TSHR: variants seen among roughly 807,000 people sequenced by gnomAD.
TSHR encodes thyrotropin receptor.
TSHR carries 51 observed loss-of-function variants against 64.1 expected under a neutral mutation model. The observed-to-expected ratio is 0.80, with a 90% CI of 0.64 to 1.01. The LOEUF (loss-of-function observed/expected upper bound fraction) is 1.01, where lower values mean the gene tolerates loss of function less well. Ranked by LOEUF, TSHR falls within the 50% of genes least tolerant of loss-of-function variation. The probability of loss-of-function intolerance (pLI) is 0.00; values close to 1 mark genes in which losing one functional copy is unlikely to be tolerated. For missense variants in TSHR, 877 were observed against 942.8 expected, an observed-to-expected ratio of 0.93 and a Z score of 0.91; for synonymous variants, 361 against 361.9, an observed-to-expected ratio of 1.00 and a Z score of 0.03.
At chr14:81,086,126 T>TG (rs1363080611) in intron 3 of TSHR, among the ~76,000 whole-genome samples, 1 of 152,208 alleles carries the variant, frequency 6.6e-6, no homozygotes, top group African/African-American at 2.4e-5. Flanking sequence ...TCTAAGATCT[T>TG]GGGGTATAAA....
chr14:81,081,540 A>G (rs2139947914), intron 3 of TSHR, among the ~76,000 whole-genome samples: 1 of 152,310 alleles, frequency 6.6e-6, no homozygotes, highest in South Asian at 2.1e-4. Flanking sequence ...ATAAATATGT[A>G]TTACCTCTAT....
At chr14:81,015,855 T>C (rs956074125) in intron 1 of TSHR, among the ~76,000 whole-genome samples, 1 of 152,150 alleles carries the variant, frequency 6.6e-6, no homozygotes, top group Non-Finnish European at 1.5e-5. Flanking sequence ...AGATTCTACA[T>C]ATAAGTGAGA....
At position 81,019,997 on chromosome 14, in the gene TSHR, A is replaced by G. The variant is rs1471203849; in HGVS notation, c.171-42151A>G. On this transcript the variant is annotated intron_variant, in intron 1 of 9. Coordinates refer to ENST00000298171, the MANE Select transcript of TSHR (RefSeq NM_000369.5). ...CCCAGTAATGGGATTGCTGGGTCAAATGGTATTTCTAGTTCTAGATCCTTG... is the reference window on the plus strand; with the variant it reads ...CCCAGTAATGGGATTGCTGGGTCAAGTGGTATTTCTAGTTCTAGATCCTTG... Among the ~76,000 whole-genome samples, 3 of 152,182 alleles carry G rather than the reference A, an allele frequency of 2.0e-5. No individual in the cohort carries two copies. In the East Asian group the frequency reaches 5.8e-4, roughly 29 times the overall value.
intron 8 of TSHR, among the ~76,000 whole-genome samples, chr14:81,118,559 C>A (rs982654944): frequency 1.2e-4 from 18 of 151,454 alleles, no homozygotes; most frequent in Non-Finnish European, 1.8e-4. Flanking sequence ...ATTCCATGCT[C>A]ATGGGTAGGA....
At chr14:81,021,826 C>T (rs945444710) in intron 1 of TSHR, among the ~76,000 whole-genome samples, 2 of 152,132 alleles carry the variant, frequency 1.3e-5, no homozygotes, top group African/African-American at 2.4e-5. Context: ...TAGGTAACAG[C>T]ATCAGTAAAT....
intron 1 of TSHR, chr14:80,991,783 A>T: frequency 2.6e-6 from 1 of 387,620 alleles, no homozygotes. Context: ...TAGCAGTGGC[A>T]AAGTTGCCTT....
chr14:81,073,017 A>AAAAAAAAATATATATATATAT (rs1555376957), intron 3 of TSHR, among the ~76,000 whole-genome samples: 1 of 91,194 alleles, frequency 1.1e-5, no homozygotes, highest in African/African-American at 4.5e-5. Flanking sequence ...AAAAATAAAA[A>AAAAAAAAATATATATATATAT]ATAAATATAT....
At position 81,144,790 on chromosome 14, in the gene TSHR, CAGTTCAACT is replaced by C. The variant is rs1891868880; in HGVS notation, c.*440_*448del. The C allele has an allele frequency of 4.0e-6, 1 of 247,392 alleles. No homozygotes were observed. Among genetic ancestry groups the C allele is most frequent in the Admixed American group, 5.1e-5 (1 of 19,588 alleles). 15.3% of individuals were successfully genotyped at this position (247,392 alleles called of 1,614,324 possible). On this transcript the variant is annotated 3_prime_UTR_variant, in exon 10 of 10. Transcript: ENST00000298171. ...AGATAAAATCAGTCCCACGTTGGCTCAGTTCAACTAGATGTTCCCTGATACAAAGAGAAC... is the reference window on the plus strand; with the variant it reads ...AGATAAAATCAGTCCCACGTTGGCTCAGATGTTCCCTGATACAAAGAGAAC...
At chr14:81,013,073 A>T (rs1477129925) in intron 1 of TSHR, 1 of 152,046 alleles carries the variant, frequency 6.6e-6, no homozygotes, top group Non-Finnish European at 1.5e-5. Context: ...TTATGGTTTT[A>T]GGTCTAACGT....
chr14:81,013,919 T>C (rs1445062748), intron 1 of TSHR: 1 of 152,194 alleles, frequency 6.6e-6, no homozygotes, highest in African/African-American at 2.4e-5. Flanking sequence ...TATGGGGTGA[T>C]GGGATTTATG....
At chr14:81,022,934 A>G (rs937197371) in intron 1 of TSHR, among the ~76,000 whole-genome samples, 6 of 152,178 alleles carry the variant, frequency 3.9e-5, no homozygotes, top group African/African-American at 1.4e-4. Flanking sequence ...GAGCCCAAGA[A>G]GTCTATGTGC....
chr14:81,131,586 C>T (rs1352781652), intron 8 of TSHR, among the ~76,000 whole-genome samples: 2 of 152,208 alleles, frequency 1.3e-5, no homozygotes, highest in Admixed American at 1.3e-4. Flanking sequence ...TCCTTGCTTC[C>T]TCAAATATAC....
At chr14:81,126,505 T>A (rs1891026009) in intron 8 of TSHR, among the ~76,000 whole-genome samples, 2 of 152,184 alleles carry the variant, frequency 1.3e-5, no homozygotes, top group African/African-American at 4.8e-5. Context: ...TAAAAATAAT[T>A]TGCAAATTCA....
At position 81,052,273 on chromosome 14, in the gene TSHR, C is replaced by G. The variant is rs143121251; in HGVS notation, c.171-9875C>G. On this transcript the variant is annotated intron_variant, in intron 1 of 9. Coordinates refer to ENST00000298171, the MANE Select transcript of TSHR (RefSeq NM_000369.5). The stretch of plus-strand genomic sequence containing the variant: ...TTATTTTTCTGCATGTGGATAGCCA[C>G]TTTTTCTAACACCATTTATTGAAGA... 3 of 152,298 alleles carry G rather than the reference C, an allele frequency of 2.0e-5. No individual in the cohort carries two copies. The East Asian group carries it at 5.8e-4, about 29-fold the overall frequency. The allele number at this position is 152,298 out of a possible 1,614,324, so 9.4% of individuals were successfully genotyped here. A position where few individuals can be genotyped will look rare whatever the true frequency, so the allele number is the denominator to read the frequency against.
intron 7 of TSHR, chr14:81,102,640 G>A (rs184272539): frequency 6.0e-4 from 173 of 289,700 alleles, no homozygotes; most frequent in South Asian, 1.2e-3. Flanking sequence ...TGCCTTTGTA[G>A]TGTGAAAGCA....
In TSHR at chr14:81,139,832, CTG is replaced by C; in HGVS notation, c.847_848del (p.Cys283LeufsTer4). 1 of 1,614,230 alleles carries C rather than the reference CTG, an allele frequency of 6.2e-7. No individual in the cohort carries two copies. The highest frequency in any genetic ancestry group is 1.1e-5 in the South Asian group (1 of 91,088). On this transcript the variant is annotated frameshift_variant, in exon 9 of 10. Transcript: ENST00000298171. LOFTEE classifies it high-confidence loss of function. ...TRADLSYPSH[C>X]CAFKNQKKIR... ...GGGCTGACCTTTCTTACCCAAGCCA[CTG>C]CTGTGCTTTTAAGAATCAGAAGAAA... is the stretch of plus-strand genomic sequence containing the variant.
chr14:81,002,036 T>C (rs562102438), intron 1 of TSHR, among the ~76,000 whole-genome samples: 1 of 152,274 alleles, frequency 6.6e-6, no homozygotes, highest in South Asian at 2.1e-4. Context: ...GCAACCTACA[T>C]TGCAGCAGAA....
At chr14:81,009,416 G>A (rs112185380) in intron 1 of TSHR, among the ~76,000 whole-genome samples, 38 of 148,926 alleles carry the variant, frequency 2.6e-4, no homozygotes, top group African/African-American at 7.5e-4. Flanking sequence ...ACCCCTATGC[G>A]CCCACCTCCA....
chr14:80,994,088 T>C (rs1888879226), intron 1 of TSHR: 1 of 152,202 alleles, frequency 6.6e-6, no homozygotes, highest in South Asian at 2.1e-4. Flanking sequence ...ATAACAAGGA[T>C]GGGGACCTTT....
Sources: allele counts gnomAD v4.1 joint callset (sites outside exome capture counted in the v4.1 genomes callset), GRCh38; gene constraint gnomAD v4.1.1; transcripts MANE v1.5; gene names NCBI Gene and HGNC (gene_info 2026-07-23, HGNC 2026-07-21).